LRFN2: variants seen among roughly 807,000 people sequenced by gnomAD.
LRFN2 encodes leucine rich repeat and fibronectin type III domain containing 2, also known as leucine-rich repeat and fibronectin type-III domain-containing protein 2.
In LRFN2, 18 loss-of-function variants were observed where a neutral mutation model predicts 37.3. That is an observed-to-expected ratio of 0.48 (90% confidence interval 0.33 to 0.72). The LOEUF (loss-of-function observed/expected upper bound fraction) is 0.72, where lower values mean the gene tolerates loss of function less well. Ranked by LOEUF, LRFN2 falls within the 30% of genes least tolerant of loss-of-function variation. The pLI, the probability that LRFN2 is intolerant of heterozygous loss-of-function variation, is 0.02. For synonymous variants in LRFN2, 556 were observed against 466.6 expected (o/e 1.19, Z -2.47); for missense variants, 1,006 against 1,060.7 (o/e 0.95, Z 0.72).
chr6:40,558,859 C>T (rs539397687), intron 1 of LRFN2, among the ~76,000 whole-genome samples: 6 of 152,192 alleles, frequency 3.9e-5, no homozygotes, highest in Admixed American at 3.9e-4. Context: ...CAAGATCACA[C>T]AACAATCAGA....
At chr6:40,521,121 A>AGG (rs1766054082) in intron 1 of LRFN2, among the ~76,000 whole-genome samples, 1 of 152,114 alleles carries the variant, frequency 6.6e-6, no homozygotes, top group African/African-American at 2.4e-5. Flanking sequence ...AAAGAGAGAG[A>AGG]GAAGAGGAGG....
At chr6:40,479,768 A>G (rs2113862681) in intron 1 of LRFN2, among the ~76,000 whole-genome samples, 1 of 152,264 alleles carries the variant, frequency 6.6e-6, no homozygotes, top group Middle Eastern at 3.4e-3. Flanking sequence ...GCCCACCTAC[A>G]AGGCATGGGC....
chr6:40,510,762 A>G (rs1409332782), intron 1 of LRFN2, among the ~76,000 whole-genome samples: 1 of 152,216 alleles, frequency 6.6e-6, no homozygotes, highest in Non-Finnish European at 1.5e-5. Flanking sequence ...GGCCATTTGG[A>G]CTGCCTATTC....
intron 2 of LRFN2, among the ~76,000 whole-genome samples, chr6:40,403,566 T>C (rs1314021965): frequency 6.6e-6 from 1 of 152,172 alleles, no homozygotes; most frequent in African/African-American, 2.4e-5. Context: ...GGGGCCACTT[T>C]CCTTTCAATA....
At chr6:40,420,826 A>G (rs574523661) in intron 2 of LRFN2, among the ~76,000 whole-genome samples, 5 of 152,346 alleles carry the variant, frequency 3.3e-5, no homozygotes, top group African/African-American at 9.6e-5. Flanking sequence ...GGATTTGAAT[A>G]CAAGTAGTTT....
At chr6:40,568,692 C>T (rs944885943) in intron 1 of LRFN2, among the ~76,000 whole-genome samples, 22 of 112,242 alleles carry the variant, frequency 2.0e-4, no homozygotes, top group Non-Finnish European at 3.7e-4. Flanking sequence ...CATTTCCTTC[C>T]TTCCTTCCTT....
At position 40,392,535 on chromosome 6, in the gene LRFN2, C is replaced by G; in HGVS notation, c.1778G>C (p.Gly593Ala). The G allele has an allele frequency of 1.3e-6, 2 of 1,574,040 alleles. No individual in the cohort carries two copies. Among genetic ancestry groups the G allele is most frequent in the African/African-American group, 1.4e-5 (1 of 74,032 alleles). ...QPPPPSSAPA[G>A]APPQGPPKVV... ...CTTCGGCGGGCCCTGCGGCGGGGCCCCGGCTGGTGCGCTGCTTGGAGGCGG... is the reference window on the plus strand; with the variant it reads ...CTTCGGCGGGCCCTGCGGCGGGGCCGCGGCTGGTGCGCTGCTTGGAGGCGG... Residue 593 changes from glycine (G) to alanine (A), a missense_variant, in exon 3 of 3, where the codon GGG (glycine) becomes GCG (alanine). Transcript: ENST00000338305. This position sits in a 1 kb window ranked among gnomAD's most constrained non-coding sequence, Gnocchi z 4.7.
intron 2 of LRFN2, among the ~76,000 whole-genome samples, chr6:40,426,924 C>T (rs1763365965): frequency 6.6e-6 from 1 of 152,204 alleles, no homozygotes; most frequent in Admixed American, 6.5e-5. Context: ...CATGATCTGA[C>T]CACTATACTT....
chr6:40,405,465 G>T (rs1021058635), intron 2 of LRFN2, among the ~76,000 whole-genome samples: 1 of 152,166 alleles, frequency 6.6e-6, no homozygotes, highest in Non-Finnish European at 1.5e-5. Context: ...AAGGAGTCAT[G>T]ATTCATAAAG....
intron 1 of LRFN2, among the ~76,000 whole-genome samples, chr6:40,498,007 TG>T (rs1314026085): frequency 6.6e-6 from 1 of 152,030 alleles, no homozygotes; most frequent in Non-Finnish European, 1.5e-5. Context: ...GTCTGCCTAC[TG>T]GGGTGCTGAG....
At chr6:40,406,663 G>A (rs1762855741) in intron 2 of LRFN2, among the ~76,000 whole-genome samples, 1 of 152,312 alleles carries the variant, frequency 6.6e-6, no homozygotes, top group Middle Eastern at 3.4e-3. Context: ...AGTGACTCAT[G>A]GGGGCCGTGG....
chr6:40,454,026 T>A (rs1437850921), intron 1 of LRFN2, among the ~76,000 whole-genome samples: 1 of 152,184 alleles, frequency 6.6e-6, no homozygotes, highest in Non-Finnish European at 1.5e-5. Context: ...GACTCTGGGT[T>A]CCCTGAAGTG....
chr6:40,426,469 G>A (rs1763355665), intron 2 of LRFN2, among the ~76,000 whole-genome samples: 1 of 152,188 alleles, frequency 6.6e-6, no homozygotes, highest in African/African-American at 2.4e-5. Flanking sequence ...CTTACCAAGG[G>A]CTGAGGACAT....
intron 2 of LRFN2, among the ~76,000 whole-genome samples, chr6:40,405,514 G>A (rs1192691703): frequency 2.0e-5 from 3 of 152,192 alleles, no homozygotes; most frequent in African/African-American, 7.2e-5. Context: ...AGCCCCGCAT[G>A]AGGGTCTGTT....
chr6:40,516,770 A>G lies in LRFN2; in HGVS notation c.-19+70171T>C, dbSNP rs79442297. Reference sequence around the variant, plus strand: ...ATCATGGGGTGGCCAGGAGCAGCCAAGGATGAGTGGGTCCCCATTCTGAGC... The same window carrying G: ...ATCATGGGGTGGCCAGGAGCAGCCAGGGATGAGTGGGTCCCCATTCTGAGC... On this transcript the variant is annotated intron_variant, in intron 1 of 2. Coordinates refer to ENST00000338305, the MANE Select transcript of LRFN2 (RefSeq NM_020737.3). Among the ~76,000 whole-genome samples, 23 of 152,272 alleles carry G rather than the reference A, an allele frequency of 1.5e-4. 2 individuals are homozygous for G. The East Asian group carries it at 3.5e-3, about 23-fold the overall frequency.
intron 1 of LRFN2, among the ~76,000 whole-genome samples, chr6:40,513,164 A>G (rs1350013793): frequency 6.6e-6 from 1 of 152,204 alleles, no homozygotes; most frequent in Admixed American, 6.5e-5. Context: ...CGAGTGTTCA[A>G]TAATTATTCA....
intron 1 of LRFN2, among the ~76,000 whole-genome samples, chr6:40,467,645 C>T (rs994446149): frequency 1.3e-5 from 2 of 152,186 alleles, no homozygotes; most frequent in African/African-American, 2.4e-5. Context: ...TGATCAAGGA[C>T]ATCTCCATGG....
intron 1 of LRFN2, among the ~76,000 whole-genome samples, chr6:40,516,888 A>G (rs1765894113): frequency 6.6e-6 from 1 of 152,184 alleles, no homozygotes; most frequent in Non-Finnish European, 1.5e-5. Flanking sequence ...AAGGCCAGGA[A>G]GGTCTCATCC....
rs145567914 is a variant in LRFN2, at chr6:40,530,212, T to C, written c.-19+56729A>G. 3.3e-3 allele frequency among the ~76,000 whole-genome samples: 501 copies of C among 152,304 alleles called. 2 individuals carry two copies. The highest frequency in any genetic ancestry group is 0.011 in the African/African-American group (473 of 41,566). ...CCTGCTCGGGGAAACCTCATTCTTC[T>C]CTACTTTCCCCTGTGGCTTAGAAAG... On this transcript the variant is annotated intron_variant, in intron 1 of 2. Transcript: ENST00000338305.
Sources: allele counts gnomAD v4.1 joint callset (sites outside exome capture counted in the v4.1 genomes callset), GRCh38; gene constraint gnomAD v4.1.1; non-coding constraint Gnocchi (gnomAD v3.1); transcripts MANE v1.5; gene names NCBI Gene and HGNC (gene_info 2026-07-23, HGNC 2026-07-21).